UTRN: variants seen among roughly 807,000 people sequenced by gnomAD.
UTRN encodes utrophin.
In UTRN, 283 loss-of-function variants were observed where a neutral mutation model predicts 463.9. The ratio of observed to expected loss-of-function variants is 0.61; its 90% CI spans 0.55 to 0.67. UTRN has a LOEUF of 0.67. UTRN is among the 30% of genes least tolerant of loss of function. The pLI, the probability that UTRN is intolerant of heterozygous loss-of-function variation, is 0.00. For missense variants in UTRN, 3,922 were observed against 4,084.3 expected (o/e 0.96, Z 1.08); for synonymous variants, 1,442 against 1,431.5 (o/e 1.01, Z -0.17).
At chr6:144,736,258 G>A (rs149539709) in intron 54 of UTRN, among the ~76,000 whole-genome samples, 78 of 152,278 alleles carry the variant, frequency 5.1e-4, no homozygotes, top group African/African-American at 1.7e-3. Context: ...GTTTGATGCC[G>A]AAGTACTCAA....
rs1780837654 is a variant in UTRN, at chr6:144,833,429, G to A, written c.9666-2351G>A. Among the ~76,000 whole-genome samples the A allele has an allele frequency of 2.6e-5, 4 of 152,250 alleles. No individual in the cohort carries two copies. The South Asian group carries it at 6.2e-4, about 24-fold the overall frequency. Reference sequence around the variant, plus strand: ...TATTTTGATTTCTGGCAGATTGCTTGTGATACTTTATCTTTAAAATACAGA... The same window carrying A: ...TATTTTGATTTCTGGCAGATTGCTTATGATACTTTATCTTTAAAATACAGA... On this transcript the variant is annotated intron_variant, in intron 69 of 74. Transcript: ENST00000367545.
intron 35 of UTRN, among the ~76,000 whole-genome samples, chr6:144,513,176 G>T (rs77805523): frequency 0.039 from 5,962 of 152,240 alleles, 154 homozygotes; most frequent in Non-Finnish European, 0.06. Context: ...GGATACAAAG[G>T]CACTGTCCTT....
chr6:144,812,184 G>A (rs984004201), intron 65 of UTRN, among the ~76,000 whole-genome samples: 2 of 150,266 alleles, frequency 1.3e-5, no homozygotes, highest in African/African-American at 4.9e-5. Flanking sequence ...ATCTTGTTTT[G>A]TTTAAATTGT....
intron 2 of UTRN, among the ~76,000 whole-genome samples, chr6:144,339,092 TC>T (rs1458437951): frequency 6.6e-6 from 1 of 152,210 alleles, no homozygotes; most frequent in Non-Finnish European, 1.5e-5. Flanking sequence ...GAGTTCTGGT[TC>T]AGCAGCACCT....
intron 52 of UTRN, among the ~76,000 whole-genome samples, chr6:144,684,362 TA>T (rs1284813866): frequency 6.6e-6 from 1 of 152,208 alleles, no homozygotes; most frequent in Non-Finnish European, 1.5e-5. Flanking sequence ...ATTTACCTTT[TA>T]TTCTCCATCC....
chr6:144,808,661 C>T (rs904789255), intron 65 of UTRN, among the ~76,000 whole-genome samples: 4 of 151,934 alleles, frequency 2.6e-5, no homozygotes, highest in African/African-American at 9.7e-5. Context: ...TGACCAGTCT[C>T]TTCTCTTTTC....
chr6:144,310,502 T>C, intron 2 of UTRN, among the ~76,000 whole-genome samples: 1 of 138,228 alleles, frequency 7.2e-6, no homozygotes. Context: ...GCCATTGCAC[T>C]CCAGCCTGGG....
chr6:144,721,178 G>A (rs869590), intron 53 of UTRN, among the ~76,000 whole-genome samples: 11,986 of 152,052 alleles, frequency 0.079, 1,625 homozygotes, highest in African/African-American at 0.27. Flanking sequence ...CAGAGCATGC[G>A]ACTTCTAAAA....
chr6:144,745,007 C>A (rs1790552789), intron 54 of UTRN, among the ~76,000 whole-genome samples: 1 of 152,154 alleles, frequency 6.6e-6, no homozygotes, highest in African/African-American at 2.4e-5. Context: ...TCTATCCATG[C>A]CAGACCTTAC....
chr6:144,516,932 G>A lies in UTRN; in HGVS notation c.5525G>A (p.Arg1842Lys), dbSNP rs61744376. The A allele has an allele frequency of 2.0e-3, 3,027 of 1,479,328 alleles. 60 individuals are homozygous for A. In the African/African-American group the frequency reaches 0.039, roughly 19 times the overall value. The allele number at this position is 1,479,328 out of a possible 1,614,324, so 91.6% of individuals were successfully genotyped here. A position where few individuals can be genotyped will look rare whatever the true frequency, so the allele number is the denominator to read the frequency against. Reference protein sequence around the residue: ...IRLQLLLLHTRYNKIKAIPIQ... With the variant: ...IRLQLLLLHTKYNKIKAIPIQ... The stretch of plus-strand genomic sequence containing the variant: ...TTGCAATTATTACTTTTGCATACTA[G>A]ATACAACAAAATTAAGGTATTATGA... Residue 1842 changes from arginine to lysine, a missense_variant, in exon 39 of 75, where the codon AGA becomes AAA. By Grantham distance (26) the Arg-to-Lys change is conservative. Transcript: ENST00000367545.
rs751176889 is a variant in UTRN at position 144,835,749 on chromosome 6, G to A, written c.9666-31G>A. On this transcript the variant is annotated intron_variant, in intron 69 of 74. Transcript: ENST00000367545. ...CAAAAACATCACCATCCAGATGTGA[G>A]CCTCTGGGTCTGTTTCCTTTGTCTT... 6 of 1,612,138 alleles carry A rather than the reference G, an allele frequency of 3.7e-6. No individual in the cohort carries two copies. In the Admixed American group the frequency reaches 8.4e-5, roughly 22 times the overall value.
In UTRN at chr6:144,426,334, CAGTG is replaced by C; in HGVS notation, c.456_459del (p.Ser152ArgfsTer76). 1 of 1,614,116 alleles carries C rather than the reference CAGTG, an allele frequency of 6.2e-7. No homozygotes were observed. Among genetic ancestry groups the C allele is most frequent in the Non-Finnish European group, 8.5e-7 (1 of 1,180,002 alleles). On this transcript the variant is annotated frameshift_variant, in exon 7 of 75. Transcript: ENST00000367545. LOFTEE classifies it high-confidence loss of function. ...TCATGTCGGACCTGCAGCAGACGAA[CAGTG>C]AGAAGATCCTGCTCAGCTGGGTGCG...
chr6:144,324,703 T>C (rs1198818899), intron 2 of UTRN, among the ~76,000 whole-genome samples: 1 of 152,220 alleles, frequency 6.6e-6, no homozygotes, highest in Non-Finnish European at 1.5e-5. Flanking sequence ...GGTAGAGCAA[T>C]TTGTGTTTAT....
At chr6:144,573,568 C>T (rs963516244) in intron 50 of UTRN, among the ~76,000 whole-genome samples, 14 of 151,428 alleles carry the variant, frequency 9.2e-5, no homozygotes, top group South Asian at 8.3e-4. Flanking sequence ...TAGTGGCAGG[C>T]GCCAATAATC....
chr6:144,724,693 C>G lies in UTRN; in HGVS notation c.7810-5664C>G, dbSNP rs188459457. On this transcript the variant is annotated intron_variant, in intron 53 of 74. Transcript: ENST00000367545. ...CATGGTAATGGAATCTTACACTATG[C>G]CCTTTCATGTCTAGCTTCTTTCAAT... Among the ~76,000 whole-genome samples the G allele has an allele frequency of 1.5e-3, 228 of 152,248 alleles. 1 individual carries two copies. The Middle Eastern group carries it at 0.034, about 23-fold the overall frequency.
rs377578861 is a variant in UTRN at position 144,797,979 on chromosome 6, T to G, written c.9234T>G (p.Ile3078Met). The stretch of plus-strand genomic sequence containing the variant: ...GCAACATCTGTAAAGAATGTCCAAT[T>G]GTCGGGTTCAGGTAAGGCGTGCCAG... ...AKCNICKECP[I>M]VGFRYRSLKH... Residue 3078 changes from isoleucine to methionine, a missense_variant, in exon 64 of 75, where the codon ATT becomes ATG. Around this residue, in one of 3 missense-constraint regions of UTRN, gnomAD observed 1,309 missense variants for 1,452.6 expected, o/e 0.90. Coordinates refer to ENST00000367545, the MANE Select transcript of UTRN (RefSeq NM_007124.3). 4 of 1,613,962 alleles carry G rather than the reference T, an allele frequency of 2.5e-6. No homozygotes were observed. The highest frequency in any genetic ancestry group is 3.4e-6 in the Non-Finnish European group (4 of 1,180,012).
chr6:144,428,982 A>T (rs1785543022), intron 8 of UTRN, 89 bp downstream of exon 8: 3 of 835,458 alleles, frequency 3.6e-6, no homozygotes, highest in Non-Finnish European at 5.4e-6. Context: ...TTTAAAAATG[A>T]ATTATGAGAC....
chr6:144,606,436 C>T (rs185863256), intron 51 of UTRN, among the ~76,000 whole-genome samples: 1 of 152,322 alleles, frequency 6.6e-6, no homozygotes, highest in East Asian at 1.9e-4. Flanking sequence ...TTAGCTAATG[C>T]TCAGTTTAAG....
Position 144,840,892 on chromosome 6 carries a change from G to A in UTRN, c.10270+60G>A, listed in dbSNP as rs1348920947. ...GTGTTCCTTCCCTTTCTCTTTTTCT[G>A]CATGCGGCCCTTCGCCTTCTTCCTT... On this transcript the variant is annotated intron_variant, in intron 73 of 74. Coordinates refer to ENST00000367545, the MANE Select transcript of UTRN (RefSeq NM_007124.3). The A allele has an allele frequency of 1.9e-6, 3 of 1,575,422 alleles. No homozygotes were observed. The East Asian group carries it at 6.7e-5, about 35-fold the overall frequency.
Sources: allele counts gnomAD v4.1 joint callset (sites outside exome capture counted in the v4.1 genomes callset), GRCh38; gene constraint gnomAD v4.1.1; regional missense constraint gnomAD v4.1.1; transcripts MANE v1.5; gene names NCBI Gene and HGNC (gene_info 2026-07-23, HGNC 2026-07-21).